Variants in PCDH15 observed in about 807,000 individuals in gnomAD.
PCDH15 encodes protocadherin-15.
In PCDH15, 129 loss-of-function variants were observed where a neutral mutation model predicts 178.5. That is an observed-to-expected ratio of 0.72 (90% confidence interval 0.63 to 0.84). The LOEUF is 0.84. Among genes scored for constraint, PCDH15 ranks in the 40% least tolerant of loss-of-function variants. The pLI is 0.00. For missense variants in PCDH15, 2,230 were observed against 2,099.9 expected (o/e 1.06, Z -1.21); for synonymous variants, 800 against 732.0 (o/e 1.09, Z -1.50).
intron 1 of PCDH15, among the ~76,000 whole-genome samples, chr10:55,224,650 C>T (rs1840976024): frequency 6.6e-6 from 1 of 152,078 alleles, no homozygotes; most frequent in African/African-American, 2.4e-5. Context: ...ACACCACCTT[C>T]CATGAAGTAG....
Position 54,213,919 on chromosome 10 carries a change from A to G in PCDH15, c.1098+17T>C. On this transcript the variant is annotated intron_variant, in intron 10 of 37. Transcript: ENST00000644397. ...CAGTTCATAAACACAAGGAAATAAG[A>G]TATTAGCTTAATTTACCTTAATAAC... is the stretch of plus-strand genomic sequence containing the variant. 1.4e-6 allele frequency: 2 copies of G among 1,440,270 alleles called. No individual in the cohort carries two copies. The highest frequency in any genetic ancestry group is 2.0e-6 in the Non-Finnish European group (2 of 1,023,124). 89.2% of individuals were successfully genotyped at this position (1,440,270 alleles called of 1,614,324 possible). A position where few individuals can be genotyped will look rare whatever the true frequency, so the allele number is the denominator to read the frequency against.
At chr10:54,359,746 G>C (rs954874573) in intron 5 of PCDH15, among the ~76,000 whole-genome samples, 1 of 151,908 alleles carries the variant, frequency 6.6e-6, no homozygotes, top group Non-Finnish European at 1.5e-5. Context: ...TTTGGCTGAA[G>C]TTTGGTTTTT....
chr10:55,058,128 T>C (rs1841349491), intron 2 of PCDH15, among the ~76,000 whole-genome samples: 1 of 152,214 alleles, frequency 6.6e-6, no homozygotes, highest in Admixed American at 6.5e-5. Context: ...AATTACATAT[T>C]CATTCAAATG....
At chr10:54,650,092 A>AAAGATGGAC (rs2094220786) in intron 2 of PCDH15, among the ~76,000 whole-genome samples, 1 of 152,180 alleles carries the variant, frequency 6.6e-6, no homozygotes, top group Admixed American at 6.5e-5. Context: ...TTATAAAGGG[A>AAAGATGGAC]AAGATGGACA....
chr10:54,655,288 G>C lies in PCDH15; in HGVS notation c.91+8884C>G, dbSNP rs60579321. Reference sequence around the variant, plus strand: ...AGAGAGAGAGAGAGAGAGAGAGAGAGAGAGAGAGAGAGAGACAGAGAGAGA... The same window carrying C: ...AGAGAGAGAGAGAGAGAGAGAGAGACAGAGAGAGAGAGAGACAGAGAGAGA... On this transcript the variant is annotated intron_variant, in intron 2 of 37. Transcript: ENST00000644397. 6.0e-3 allele frequency among the ~76,000 whole-genome samples: 764 copies of C among 127,356 alleles called. 19 individuals are homozygous for C. Among genetic ancestry groups the C allele is most frequent in the African/African-American group, 0.021 (739 of 34,626 alleles). 83.6% of individuals were successfully genotyped at this position (127,356 alleles called of 152,430 possible). A position where few individuals can be genotyped will look rare whatever the true frequency, so the allele number is the denominator to read the frequency against.
intron 2 of PCDH15, among the ~76,000 whole-genome samples, chr10:55,326,845 A>AT (rs1217951801): frequency 3.3e-5 from 5 of 152,106 alleles, no homozygotes; most frequent in Admixed American, 6.6e-5. Context: ...AAAGATAAAT[A>AT]CTCAGATCTA....
rs759094554 is a variant in PCDH15, at chr10:53,806,881, A to ACTTGT, written c.4916_4920dup (p.Leu1641ThrfsTer5). On this transcript the variant is annotated frameshift_variant, in exon 38 of 38. Coordinates refer to ENST00000644397, the MANE Select transcript of PCDH15 (RefSeq NM_001384140.1). LOFTEE classifies it high-confidence loss of function. ...ACATTCTCCTCATGTGTCACTGCCA[A>ACTTGT]CTTGTCTAGTTTCTTAAAGGGCCCT... The ACTTGT allele has an allele frequency of 3.7e-6, 6 of 1,613,764 alleles. No individual in the cohort carries two copies. The highest frequency in any genetic ancestry group is 5.1e-6 in the Non-Finnish European group (6 of 1,179,850).
At chr10:54,122,247 A>C (rs1176881689) in intron 15 of PCDH15, among the ~76,000 whole-genome samples, 2 of 152,122 alleles carry the variant, frequency 1.3e-5, no homozygotes. Flanking sequence ...CGATCACATG[A>C]ACACAATTTA....
intron 3 of PCDH15, among the ~76,000 whole-genome samples, chr10:54,387,732 T>C (rs1565149556): frequency 6.6e-6 from 1 of 152,318 alleles, no homozygotes; most frequent in East Asian, 1.9e-4. Context: ...TCTTCCCTGC[T>C]ATATAAACCC....
At chr10:55,126,916 AAAT>A (rs913726387) in intron 2 of PCDH15, among the ~76,000 whole-genome samples, 11 of 152,050 alleles carry the variant, frequency 7.2e-5, no homozygotes, top group African/African-American at 2.2e-4. Flanking sequence ...CAAAAAAAAA[AAAT>A]GTTTTATTTC....
At chr10:55,202,377 C>A (rs944457213) in intron 1 of PCDH15, among the ~76,000 whole-genome samples, 2 of 152,046 alleles carry the variant, frequency 1.3e-5, no homozygotes, top group African/African-American at 4.8e-5. Flanking sequence ...TAATTTTAAA[C>A]CATGTGTTGT....
intron 13 of PCDH15, among the ~76,000 whole-genome samples, chr10:54,174,485 A>C (rs992766928): frequency 6.6e-6 from 1 of 152,030 alleles, no homozygotes; most frequent in African/African-American, 2.4e-5. Context: ...CAGTGAGCTG[A>C]GATCGCACCA....
At chr10:54,110,130 T>C (rs1208027515) in intron 15 of PCDH15, among the ~76,000 whole-genome samples, 1 of 152,098 alleles carries the variant, frequency 6.6e-6, no homozygotes, top group Admixed American at 6.6e-5. Flanking sequence ...GGGTGAGGGC[T>C]GCATCTGTGC....
At chr10:53,810,840 T>C (rs2075838318) in intron 36 of PCDH15, among the ~76,000 whole-genome samples, 176 bp from the exon 37 acceptor site, 1 of 152,192 alleles carries the variant, frequency 6.6e-6, no homozygotes, top group African/African-American at 2.4e-5. Flanking sequence ...TGCTACCTGA[T>C]GACCAGTGAT....
chr10:54,666,576 T>A (rs2094575028), intron 1 of PCDH15, among the ~76,000 whole-genome samples: 1 of 151,954 alleles, frequency 6.6e-6, no homozygotes, highest in Admixed American at 6.6e-5. Flanking sequence ...GCTTCAAATC[T>A]TTTTTTATTT....
intron 3 of PCDH15, among the ~76,000 whole-genome samples, chr10:54,439,968 C>T (rs1589420664): frequency 1.3e-5 from 2 of 152,042 alleles, no homozygotes; most frequent in South Asian, 4.1e-4. Context: ...ACATGTTTTC[C>T]ACCTTGCAAC....
At chr10:55,205,340 T>C (rs796163073) in intron 1 of PCDH15, among the ~76,000 whole-genome samples, 4 of 152,084 alleles carry the variant, frequency 2.6e-5, no homozygotes, top group African/African-American at 9.7e-5. Flanking sequence ...GGTCTACTTA[T>C]TCCTGGAAAA....
intron 2 of PCDH15, among the ~76,000 whole-genome samples, chr10:54,598,971 G>T (rs955014226): frequency 1.3e-5 from 2 of 151,658 alleles, no homozygotes; most frequent in African/African-American, 2.4e-5. Flanking sequence ...AAAGAAATCA[G>T]AGATAACAGA....
chr10:55,261,838 T>A (rs1184510691), intron 1 of PCDH15, among the ~76,000 whole-genome samples: 1 of 152,164 alleles, frequency 6.6e-6, no homozygotes, highest in Non-Finnish European at 1.5e-5. Flanking sequence ...ACTATTAGAT[T>A]GTCTGTTATT....
Sources: allele counts gnomAD v4.1 joint callset (sites outside exome capture counted in the v4.1 genomes callset), GRCh38; gene constraint gnomAD v4.1.1; transcripts MANE v1.5; gene names NCBI Gene and HGNC (gene_info 2026-07-23, HGNC 2026-07-21).